SYT13: variants seen among roughly 807,000 people sequenced by gnomAD.
SYT13 encodes synaptotagmin-13.
A neutral mutation model predicts 38.6 loss-of-function variants in SYT13; 21 were observed. The observed-to-expected ratio is 0.54, with a 90% CI of 0.39 to 0.78. The LOEUF is 0.78. SYT13 is among the 30% of genes least tolerant of loss of function. SYT13 has a pLI of 0.00. For missense variants in SYT13, 495 were observed against 548.7 expected (o/e 0.90, Z 0.98); for synonymous variants, 241 against 237.6 (o/e 1.01, Z -0.13).
Position 45,242,335 on chromosome 11 carries a change from G to T in SYT13, c.*1717C>A, listed in dbSNP as rs995997548. ...TGTAATCCCAGTACTTTGGGAGGCC[G>T]AGGAGGGTAGATCACCTGAGATCTG... On this transcript the variant is annotated 3_prime_UTR_variant, in exon 6 of 6. Transcript: ENST00000020926. The T allele has an allele frequency of 6.6e-6, 1 of 152,154 alleles. No homozygotes were observed. Among genetic ancestry groups the T allele is most frequent in the African/African-American group, 2.4e-5 (1 of 41,416 alleles). The allele number at this position is 152,154 out of a possible 1,614,324, so 9.4% of individuals were successfully genotyped here. A position where few individuals can be genotyped will look rare whatever the true frequency, so the allele number is the denominator to read the frequency against.
chr11:45,274,356 C>T (rs1854985219), intron 1 of SYT13, among the ~76,000 whole-genome samples: 1 of 152,056 alleles, frequency 6.6e-6, no homozygotes, highest in Non-Finnish European at 1.5e-5. Context: ...GTCATGTTGC[C>T]ACTTAAAGAA....
rs149737973 is a variant in SYT13 at position 45,252,661 on chromosome 11, C to A, written c.606G>T (p.Arg202Ser). ...CTGTCTGAGCCTCCACAGAGCCGGTCCTATTGGCCACACTCCCTTGGACGT... is the reference window on the plus strand; with the variant it reads ...CTGTCTGAGCCTCCACAGAGCCGGTACTATTGGCCACACTCCCTTGGACGT... The part of the protein sequence containing the change: ...DCYVQGSVAN[R>S]TGSVEAQTAL... The change falls in exon 4 of 6, where the codon AGG (arginine) becomes AGT (serine). Residue 202 changes from arginine to serine, a missense_variant. Arg to Ser is a moderately radical substitution (Grantham distance 110). Coordinates refer to ENST00000020926, the MANE Select transcript of SYT13 (RefSeq NM_020826.3). This position sits in a 1 kb window ranked among gnomAD's most constrained non-coding sequence, Gnocchi z 4.3. 780 of 1,611,202 alleles carry A rather than the reference C, an allele frequency of 4.8e-4. 1 individual carries two copies. The highest frequency in any genetic ancestry group is 6.4e-4 in the Non-Finnish European group (758 of 1,177,796).
intron 1 of SYT13, among the ~76,000 whole-genome samples, chr11:45,265,788 T>C (rs1854874969): frequency 1.3e-5 from 2 of 152,132 alleles, no homozygotes; most frequent in African/African-American, 4.8e-5. Flanking sequence ...CACACATTCG[T>C]TCCCTAATTC....
At chr11:45,262,818 T>C (rs187724146) in intron 1 of SYT13, among the ~76,000 whole-genome samples, 159 of 152,040 alleles carry the variant, frequency 1.0e-3, no homozygotes, top group African/African-American at 3.6e-3. Context: ...TTTTATGTTA[T>C]GTTCTTTTAC....
Position 45,252,396 on chromosome 11 carries a change from C to A in SYT13, c.846+25G>T. On this transcript the variant is annotated intron_variant, in intron 4 of 5. Transcript: ENST00000020926. The surrounding 1 kb of genome is among the most constrained non-coding windows in gnomAD (Gnocchi z 4.3). ...CCCATGCTGCACGGGCAGGTTTTAC[C>A]TTTCTAACCCAGGGGTTACCCTACC... 1 of 1,536,676 alleles carries A rather than the reference C, an allele frequency of 6.5e-7. No homozygotes were observed. Among genetic ancestry groups the A allele is most frequent in the South Asian group, 1.2e-5 (1 of 82,848 alleles).
intron 2 of SYT13, 143 bp from the exon 3 acceptor site, chr11:45,254,547 A>T: frequency 1.7e-6 from 2 of 1,189,352 alleles, no homozygotes; most frequent in Non-Finnish European, 2.3e-6. Flanking sequence ...GGCCACACCA[A>T]GACAACAGGT....
chr11:45,267,899 C>T (rs1854904809), intron 1 of SYT13, among the ~76,000 whole-genome samples: 1 of 152,136 alleles, frequency 6.6e-6, no homozygotes, highest in Non-Finnish European at 1.5e-5. Context: ...CTTTTGTTAT[C>T]CCTTCCAACA....
Position 45,283,763 on chromosome 11 carries a change from T to C in SYT13, c.183+2262A>G, listed in dbSNP as rs146106967. Among the ~76,000 whole-genome samples, 436 of 152,368 alleles carry C rather than the reference T, an allele frequency of 2.9e-3. 3 individuals carry two copies. The highest frequency in any genetic ancestry group is 0.024 in the Middle Eastern group (7 of 294). On this transcript the variant is annotated intron_variant, in intron 1 of 5. Transcript: ENST00000020926. The stretch of plus-strand genomic sequence containing the variant: ...CACATGGTTACAAAGACATGGTGCA[T>C]GCACCAGTATTTGAAGATGATAATC...
intron 3 of SYT13, among the ~76,000 whole-genome samples, chr11:45,253,288 A>G (rs1042570398): frequency 6.6e-6 from 1 of 151,830 alleles, no homozygotes; most frequent in Non-Finnish European, 1.5e-5. Flanking sequence ...AGAGAAGATG[A>G]AGAACTGAGG....
intron 1 of SYT13, among the ~76,000 whole-genome samples, chr11:45,272,274 T>C (rs1015282734): frequency 6.6e-6 from 1 of 152,238 alleles, no homozygotes; most frequent in East Asian, 1.9e-4. Flanking sequence ...AGCAAACCAC[T>C]GTGGCATGTG....
chr11:45,244,976 C>T (rs982284739), intron 5 of SYT13, among the ~76,000 whole-genome samples: 13 of 152,164 alleles, frequency 8.5e-5, no homozygotes, highest in Admixed American at 8.5e-4. Context: ...AAAAATGAAG[C>T]CAGCTCCCAA....
chr11:45,276,157 A>T (rs1353547112), intron 1 of SYT13, among the ~76,000 whole-genome samples: 1 of 152,224 alleles, frequency 6.6e-6, no homozygotes, highest in Non-Finnish European at 1.5e-5. Flanking sequence ...AGCACTGTTC[A>T]CAGTAGCAAA....
Position 45,253,884 on chromosome 11 carries a change from G to A in SYT13, c.544+386C>T, listed in dbSNP as rs112108922. The A allele has an allele frequency of 2.1e-3, 320 of 155,770 alleles. 2 individuals are homozygous for A. The highest frequency in any genetic ancestry group is 6.9e-3 in the African/African-American group (288 of 41,704). The allele number at this position is 155,770 out of a possible 1,614,324, so 9.6% of individuals were successfully genotyped here. On this transcript the variant is annotated intron_variant, in intron 3 of 5. Coordinates refer to ENST00000020926, the MANE Select transcript of SYT13 (RefSeq NM_020826.3). Reference sequence around the variant, plus strand: ...GAGCTACGGCCAATGGGATGCAAGCGGAAGTGACGTCCACCAAGTCCAGGT... The same window carrying A: ...GAGCTACGGCCAATGGGATGCAAGCAGAAGTGACGTCCACCAAGTCCAGGT...
chr11:45,245,438 A>C (rs1174704098), intron 5 of SYT13, among the ~76,000 whole-genome samples: 1 of 152,238 alleles, frequency 6.6e-6, no homozygotes, highest in Non-Finnish European at 1.5e-5. Context: ...AGAATTGTCT[A>C]AAGGGAATGA....
intron 1 of SYT13, among the ~76,000 whole-genome samples, chr11:45,264,072 T>A (rs1253164382): frequency 6.6e-6 from 1 of 152,178 alleles, no homozygotes; most frequent in Non-Finnish European, 1.5e-5. Context: ...CTACTTTTTG[T>A]TGTTGTTACT....
At chr11:45,278,105 A>C (rs1040898570) in intron 1 of SYT13, among the ~76,000 whole-genome samples, 8 of 152,114 alleles carry the variant, frequency 5.3e-5, no homozygotes, top group Admixed American at 3.3e-4. Flanking sequence ...TTCTTATCAA[A>C]TTAGTTATAG....
At chr11:45,278,098 T>G (rs1429916933) in intron 1 of SYT13, among the ~76,000 whole-genome samples, 1 of 152,246 alleles carries the variant, frequency 6.6e-6, no homozygotes, top group African/African-American at 2.4e-5. Context: ...CCATTATTTC[T>G]TATCAAATTA....
Position 45,255,666 on chromosome 11 carries a change from C to T in SYT13, c.409G>A (p.Gly137Ser). Residue 137 changes from glycine to serine, a missense_variant and splice_region_variant, in exon 2 of 6, where the codon GGT becomes AGT. Coordinates refer to ENST00000020926, the MANE Select transcript of SYT13 (RefSeq NM_020826.3). Reference sequence around the variant, plus strand: ...AGTGCAGGGGGCAGGAGACCCCTACCATTCTGAGGGAGGATGAACAGCTCC... The same window carrying T: ...AGTGCAGGGGGCAGGAGACCCCTACTATTCTGAGGGAGGATGAACAGCTCC... ...TEELFILPQNGVVEDVCVMET... is the reference protein window; with the variant it reads ...TEELFILPQNSVVEDVCVMET... 6.2e-7 allele frequency: 1 copy of T among 1,613,756 alleles called. No individual in the cohort carries two copies. The highest frequency in any genetic ancestry group is 8.5e-7 in the Non-Finnish European group (1 of 1,179,860).
intron 4 of SYT13, among the ~76,000 whole-genome samples, chr11:45,251,386 T>TAAAAAAAAAAAAAAAAAAAAAAAAAAA (rs10649998): frequency 2.7e-5 from 2 of 75,354 alleles, no homozygotes; most frequent in African/African-American, 1.2e-4. Flanking sequence ...AGACTCTGTC[T>TAAAAAAAAAAAAAAAAAAAAAAAAAAA]AAAAAAAAAA....
Sources: gnomAD v4.1 joint callset for allele counts (sites outside exome capture counted in the v4.1 genomes callset) on GRCh38, gnomAD v4.1.1 for gene constraint, Gnocchi (gnomAD v3.1) non-coding constraint, MANE v1.5 for transcripts, NCBI Gene and HGNC (gene_info 2026-07-23, HGNC 2026-07-21) for gene names.